The following LRIF1 variants were observed in gnomAD, a reference collection of about 807,000 sequenced individuals.
The protein encoded by LRIF1 is ligand-dependent nuclear receptor-interacting factor 1.
LRIF1 carries 32 observed loss-of-function variants against 52.7 expected under a neutral mutation model. The observed-to-expected ratio is 0.61, with a 90% CI of 0.46 to 0.82. The LOEUF is 0.82. Among genes scored for constraint, LRIF1 ranks in the 40% least tolerant of loss-of-function variants. LRIF1 has a pLI of 0.00. For missense variants in LRIF1, 887 were observed against 892.0 expected (o/e 0.99, Z 0.07); for synonymous variants, 323 against 317.4 (o/e 1.02, Z -0.19).
chr1:110,914,727 T>C, the LRIF1 span, among the ~76,000 whole-genome samples: 1 of 152,146 alleles, frequency 6.6e-6, no homozygotes, highest in East Asian at 1.9e-4. Context: ...CACTCCAGCC[T>C]GGGTGACACA....
chr1:110,920,591 A>G, the LRIF1 span, among the ~76,000 whole-genome samples: 21 of 152,170 alleles, frequency 1.4e-4, no homozygotes, highest in African/African-American at 4.1e-4. Context: ...ATTATTTCTT[A>G]TAATACTACA....
chr1:110,905,608 C>A, the LRIF1 span, among the ~76,000 whole-genome samples: 3 of 151,984 alleles, frequency 2.0e-5, no homozygotes, highest in Non-Finnish European at 1.5e-5. Flanking sequence ...TTCATCAACA[C>A]CAGTTCTGTC....
downstream of LRIF1, among the ~76,000 whole-genome samples, chr1:110,946,817 C>G (rs1712691): frequency 0.99 from 150,346 of 152,206 alleles, 74,278 homozygotes; most frequent in Middle Eastern, 1. Flanking sequence ...CCACTGTGCC[C>G]GACTAATTTT....
At chr1:110,897,735 G>C in the LRIF1 span, 1 of 899,180 alleles carries the variant, frequency 1.1e-6, no homozygotes, top group East Asian at 2.5e-5. Flanking sequence ...GCAAAGCACT[G>C]TATCTTCCAA....
downstream of LRIF1, among the ~76,000 whole-genome samples, chr1:110,943,046 A>G (rs1658126020): frequency 6.6e-6 from 1 of 152,156 alleles, no homozygotes; most frequent in Non-Finnish European, 1.5e-5. Flanking sequence ...AAGAAGAAGC[A>G]GTCAACGAGG....
the LRIF1 span, among the ~76,000 whole-genome samples, chr1:110,918,373 T>C: frequency 6.6e-6 from 1 of 152,238 alleles, no homozygotes; most frequent in African/African-American, 2.4e-5. Flanking sequence ...ATAATGATTT[T>C]ATTTTATAGT....
the LRIF1 span, among the ~76,000 whole-genome samples, chr1:110,885,651 T>A: frequency 6.6e-6 from 1 of 151,906 alleles, no homozygotes; most frequent in Admixed American, 6.6e-5. Flanking sequence ...TCACCTGAGG[T>A]CAGGAGTTCG....
downstream of LRIF1, among the ~76,000 whole-genome samples, chr1:110,946,159 T>C (rs1006091445): frequency 1.3e-5 from 2 of 152,172 alleles, no homozygotes; most frequent in African/African-American, 4.8e-5. Context: ...CAGCAATAAA[T>C]AATGAAGTGC....
At chr1:110,914,321 GA>G in the LRIF1 span, among the ~76,000 whole-genome samples, 1 of 151,174 alleles carries the variant, frequency 6.6e-6, no homozygotes, top group Admixed American at 6.6e-5. Flanking sequence ...AGTTGAGAAA[GA>G]AAAAAAGGGA....
chr1:110,900,006 T>G, the LRIF1 span: 1 of 152,638 alleles, frequency 6.6e-6, no homozygotes, highest in Non-Finnish European at 1.5e-5. Context: ...GTGTATTAAT[T>G]GTCTCCTGCT....
chr1:110,919,444 T>G, the LRIF1 span, among the ~76,000 whole-genome samples: 3 of 93,206 alleles, frequency 3.2e-5, no homozygotes, highest in Non-Finnish European at 6.3e-5. Context: ...GTTTTGAAGT[T>G]TGGACTCTCT....
the LRIF1 span, among the ~76,000 whole-genome samples, chr1:110,917,292 C>T: frequency 6.6e-6 from 1 of 152,228 alleles, no homozygotes; most frequent in African/African-American, 2.4e-5. Flanking sequence ...TCCCAATTTA[C>T]ATCCATCTTT....
Position 110,950,184 on chromosome 1 carries a change from A to G in LRIF1, c.1597-61T>C, listed in dbSNP as rs1658405904. On this transcript the variant is annotated intron_variant, in intron 2 of 3. Transcript: ENST00000369763. ...GCTAATTATTCAAGTTACTTTATTAAGCAACTAAGTGATTATTTCATCTTA... is the reference window on the plus strand; with the variant it reads ...GCTAATTATTCAAGTTACTTTATTAGGCAACTAAGTGATTATTTCATCTTA... 3 of 1,506,798 alleles carry G rather than the reference A, an allele frequency of 2.0e-6. No individual in the cohort carries two copies. The South Asian group carries it at 3.9e-5, about 20-fold the overall frequency. 93.3% of individuals were successfully genotyped at this position (1,506,798 alleles called of 1,614,324 possible).
the LRIF1 span, among the ~76,000 whole-genome samples, chr1:110,889,306 C>G: frequency 6.6e-6 from 1 of 151,786 alleles, no homozygotes; most frequent in East Asian, 1.9e-4. Context: ...CCTGTAATCC[C>G]AACACTTTGG....
rs1658499029 is a variant in LRIF1, at chr1:110,951,970, A to G, written c.914T>C (p.Val305Ala). 2.5e-6 allele frequency: 4 copies of G among 1,614,176 alleles called. No homozygotes were observed. The highest frequency in any genetic ancestry group is 3.4e-6 in the Non-Finnish European group (4 of 1,180,020). ...DNLQPFTPSLVPVKSSNNVAS... is the reference protein window; with the variant it reads ...DNLQPFTPSLAPVKSSNNVAS... Reference sequence around the variant, plus strand: ...CACATTATTTGAAGACTTAACAGGAACAAGAGATGGCGTAAAAGGCTGTAG... The same window carrying G: ...CACATTATTTGAAGACTTAACAGGAGCAAGAGATGGCGTAAAAGGCTGTAG... The change falls in exon 2 of 4, where the codon GTT (valine) becomes GCT (alanine). Residue 305 changes from valine to alanine, a missense_variant. Physicochemically the swap from Val to Ala is moderately conservative, Grantham distance 64. Coordinates refer to ENST00000369763, the MANE Select transcript of LRIF1 (RefSeq NM_018372.4).
chr1:110,928,603 G>A, the LRIF1 span, among the ~76,000 whole-genome samples: 6 of 152,228 alleles, frequency 3.9e-5, no homozygotes, highest in Admixed American at 3.3e-4. Context: ...GATAAGCGCT[G>A]TAGGAAAAAA....
At chr1:110,894,429 T>C in the LRIF1 span, 1 of 1,548,908 alleles carries the variant, frequency 6.5e-7, no homozygotes, top group African/African-American at 1.4e-5. Flanking sequence ...CAACTTATTG[T>C]CTTAATACTG....
Position 110,949,832 on chromosome 1 carries a change from A to G in LRIF1, c.1869+19T>C. The G allele has an allele frequency of 6.2e-7, 1 of 1,607,684 alleles. No homozygotes were observed. Among genetic ancestry groups the G allele is most frequent in the Non-Finnish European group, 8.5e-7 (1 of 1,176,346 alleles). ...CATTTGTAGTACCTATGAAGAGCAC[A>G]TTAAAATGTATTACCTACCTGTTTT... On this transcript the variant is annotated intron_variant, in intron 3 of 3. Transcript: ENST00000369763.
chr1:110,934,114 A>G, the LRIF1 span, among the ~76,000 whole-genome samples: 10 of 152,148 alleles, frequency 6.6e-5, no homozygotes, highest in Non-Finnish European at 1.0e-4. Flanking sequence ...GCTGCCTTGA[A>G]GGGAAGGACC....
Sources: gnomAD v4.1 joint callset for allele counts (sites outside exome capture counted in the v4.1 genomes callset) on GRCh38, gnomAD v4.1.1 for gene constraint, MANE v1.5 for transcripts, NCBI Gene and HGNC (gene_info 2026-07-23, HGNC 2026-07-21) for gene names.